The following NALCN variants were observed in gnomAD, a reference collection of about 807,000 sequenced individuals.
The protein encoded by NALCN is sodium leak channel, non-selective.
NALCN carries 111 observed loss-of-function variants against 225.3 expected under a neutral mutation model. The ratio of observed to expected loss-of-function variants is 0.49; its 90% CI spans 0.42 to 0.58. The LOEUF (loss-of-function observed/expected upper bound fraction) is 0.58, where lower values mean the gene tolerates loss of function less well. NALCN is among the 20% of genes least tolerant of loss of function. The pLI, the probability that NALCN is intolerant of heterozygous loss-of-function variation, is 0.00. For missense variants in NALCN, 1,378 were observed against 2,202.4 expected (o/e 0.63, Z 7.49); for synonymous variants, 764 against 769.0 (o/e 0.99, Z 0.11).
rs35199456 is a variant in NALCN, at chr13:101,259,732, G to GTATATATATATATATATA, written c.1135-1176_1135-1159dup. Among the ~76,000 whole-genome samples, 348 of 119,308 alleles carry GTATATATATATATATATA rather than the reference G, an allele frequency of 2.9e-3. 1 individual carries two copies. Among genetic ancestry groups the GTATATATATATATATATA allele is most frequent in the East Asian group, 7.7e-3 (29 of 3,778 alleles). The allele number at this position is 119,308 out of a possible 152,430, so 78.3% of individuals were successfully genotyped here. A position where few individuals can be genotyped will look rare whatever the true frequency, so the allele number is the denominator to read the frequency against. On this transcript the variant is annotated intron_variant, in intron 10 of 43. Coordinates refer to ENST00000251127, the MANE Select transcript of NALCN (RefSeq NM_052867.4). ...AAATATTTGTGGGTACATAGTAAGTGTATATATATATATATATATACACAC... is the reference window on the plus strand; with the variant it reads ...AAATATTTGTGGGTACATAGTAAGTGTATATATATATATATATATATATATATATATATATATACACAC...
At chr13:101,234,546 T>C (rs925471887) in intron 12 of NALCN, among the ~76,000 whole-genome samples, 2 of 152,232 alleles carry the variant, frequency 1.3e-5, no homozygotes, top group African/African-American at 2.4e-5. Context: ...AGAGCCGCTC[T>C]GTCTGGTACA....
At chr13:101,188,595 CACAT>C (rs1246339626) in intron 14 of NALCN, among the ~76,000 whole-genome samples, 3 of 151,228 alleles carry the variant, frequency 2.0e-5, no homozygotes, top group Non-Finnish European at 4.4e-5. Flanking sequence ...TATATACACA[CACAT>C]ATATATACAT....
chr13:101,322,622 T>C (rs1415030672), intron 7 of NALCN, among the ~76,000 whole-genome samples: 1 of 152,242 alleles, frequency 6.6e-6, no homozygotes, highest in Non-Finnish European at 1.5e-5. Context: ...CTCTAACCTC[T>C]ATCATTTGTG....
intron 15 of NALCN, among the ~76,000 whole-genome samples, chr13:101,169,452 A>C (rs1208068796): frequency 6.6e-6 from 1 of 152,184 alleles, no homozygotes; most frequent in Non-Finnish European, 1.5e-5. Context: ...GCATCTATCA[A>C]ACCATCATCT....
rs771258062 is a variant in NALCN at position 101,083,124 on chromosome 13, C to T, written c.3658G>A (p.Val1220Ile). 1 of 1,614,098 alleles carries T rather than the reference C, an allele frequency of 6.2e-7. No homozygotes were observed. Among genetic ancestry groups the T allele is most frequent in the Non-Finnish European group, 8.5e-7 (1 of 1,179,986 alleles). ...GAGAGCAACACCGACTGGGCCAGGA[C>T]GAGTAATGCGATTGTCCTCTTAAAA... ...PFFKRTIALL[V>I]LAQSVLLSVK... is the part of the protein sequence containing the mutation. Residue 1220 changes from valine to isoleucine, a missense_variant, in exon 32 of 44, where the codon GTC (valine) becomes ATC (isoleucine). Physicochemically the swap from Val to Ile is conservative, Grantham distance 29. Around this residue, in one of 19 missense-constraint regions of NALCN, gnomAD observed 98 missense variants for 156.6 expected, o/e 0.63. Transcript: ENST00000251127.
chr13:101,086,705 G>A (rs1041445416), intron 30 of NALCN, among the ~76,000 whole-genome samples: 1 of 151,920 alleles, frequency 6.6e-6, no homozygotes, highest in Non-Finnish European at 1.5e-5. Context: ...TGAGATATAT[G>A]TTAATATCTT....
At chr13:101,331,395 G>A (rs2045165412) in intron 7 of NALCN, among the ~76,000 whole-genome samples, 1 of 152,110 alleles carries the variant, frequency 6.6e-6, no homozygotes, top group African/African-American at 2.4e-5. Context: ...AATTATAGAT[G>A]TTGGAATTGA....
intron 7 of NALCN, among the ~76,000 whole-genome samples, chr13:101,294,144 AT>A (rs1396657345): frequency 6.6e-6 from 1 of 151,808 alleles, no homozygotes; most frequent in African/African-American, 2.4e-5. Flanking sequence ...GTCAAAAAAA[AT>A]TTTTTTTTAC....
intron 15 of NALCN, among the ~76,000 whole-genome samples, chr13:101,170,806 A>T (rs1369073324): frequency 6.6e-6 from 1 of 152,108 alleles, no homozygotes; most frequent in African/African-American, 2.4e-5. Context: ...ATCTAAACAG[A>T]CTACCTATAC....
intron 20 of NALCN, among the ~76,000 whole-genome samples, chr13:101,109,313 A>G (rs1205665211): frequency 1.3e-5 from 2 of 152,186 alleles, no homozygotes; most frequent in Non-Finnish European, 2.9e-5. Flanking sequence ...ATGGTGGTAA[A>G]CAGAGCTCTG....
rs1388617554 is a variant in NALCN at position 101,133,909 on chromosome 13, C to T, written c.2118+9171G>A. Among the ~76,000 whole-genome samples the T allele has an allele frequency of 4.6e-5, 7 of 152,148 alleles. No individual in the cohort carries two copies. In the East Asian group the frequency reaches 1.3e-3, roughly 29 times the overall value. On this transcript the variant is annotated intron_variant, in intron 17 of 43. Coordinates refer to ENST00000251127, the MANE Select transcript of NALCN (RefSeq NM_052867.4). ...TGTAGGCCAGGTGCGGTGGCTCACG[C>T]CTGTAATCCCAGCACTTTGGGAGGC... is the stretch of plus-strand genomic sequence containing the variant.
chr13:101,180,828 G>A (rs1417428168), intron 14 of NALCN: 3 of 335,246 alleles, frequency 8.9e-6, no homozygotes, highest in African/African-American at 2.2e-5. Context: ...CATCTCCCAC[G>A]GAAACACGCT....
At chr13:101,123,437 T>C (rs987077199) in intron 18 of NALCN, among the ~76,000 whole-genome samples, 4 of 152,212 alleles carry the variant, frequency 2.6e-5, no homozygotes, top group Non-Finnish European at 5.9e-5. Flanking sequence ...ACATGTGTGG[T>C]TCAAGGCCAG....
At chr13:101,126,517 T>TA (rs1462307135) in intron 17 of NALCN, among the ~76,000 whole-genome samples, 2 of 149,218 alleles carry the variant, frequency 1.3e-5, no homozygotes, top group Non-Finnish European at 3.0e-5. Context: ...TTTTTTAAGA[T>TA]AGTCTTGCTC....
At chr13:101,353,156 T>G (rs2045953517) in intron 6 of NALCN, among the ~76,000 whole-genome samples, 1 of 152,178 alleles carries the variant, frequency 6.6e-6, no homozygotes, top group African/African-American at 2.4e-5. Flanking sequence ...CACACAATCA[T>G]ACATAGACAC....
intron 7 of NALCN, among the ~76,000 whole-genome samples, chr13:101,295,325 T>G (rs1419366815): frequency 1.3e-5 from 2 of 152,136 alleles, no homozygotes; most frequent in Non-Finnish European, 2.9e-5. Context: ...TTCCTCTAGG[T>G]TTTTGAATGA....
intron 13 of NALCN, among the ~76,000 whole-genome samples, chr13:101,222,783 G>A (rs2040992890): frequency 6.6e-6 from 1 of 152,194 alleles, no homozygotes; most frequent in East Asian, 1.9e-4. Flanking sequence ...TTTGGAGGGA[G>A]CGGGGCTATC....
chr13:101,196,640 G>C (rs527282271), intron 13 of NALCN, among the ~76,000 whole-genome samples: 6 of 152,178 alleles, frequency 3.9e-5, no homozygotes, highest in Non-Finnish European at 8.8e-5. Flanking sequence ...TACAGGGAGA[G>C]AAGTATTAGC....
At chr13:101,214,514 A>G (rs766069861) in intron 13 of NALCN, among the ~76,000 whole-genome samples, 4 of 151,972 alleles carry the variant, frequency 2.6e-5, no homozygotes, top group Non-Finnish European at 5.9e-5. Context: ...TTATTAGTGA[A>G]CCTCAGTTTC....
Sources: gnomAD v4.1 joint callset for allele counts (sites outside exome capture counted in the v4.1 genomes callset) on GRCh38, gnomAD v4.1.1 for gene constraint, gnomAD v4.1.1 regional missense constraint, MANE v1.5 for transcripts, NCBI Gene and HGNC (gene_info 2026-07-23, HGNC 2026-07-21) for gene names.